Variants in NUP133 observed in about 807,000 individuals in gnomAD.
The protein encoded by NUP133 is nuclear pore complex protein Nup133.
Under a neutral mutation model 146.2 loss-of-function variants are expected in NUP133, and 66 were observed. The ratio of observed to expected loss-of-function variants is 0.45; its 90% CI spans 0.37 to 0.55. The LOEUF (loss-of-function observed/expected upper bound fraction) is 0.55, where lower values mean the gene tolerates loss of function less well. NUP133 is among the 20% of genes least tolerant of loss of function. The probability of loss-of-function intolerance (pLI) is 0.00; values close to 1 mark genes in which losing one functional copy is unlikely to be tolerated. For missense variants in NUP133, 1,277 were observed against 1,374.8 expected (o/e 0.93, Z 1.12); for synonymous variants, 521 against 498.8 (o/e 1.04, Z -0.59).
chr1:229,486,643 CT>C, intron 10 of NUP133, 115 bp from the exon 11 acceptor site: 1 of 973,046 alleles, frequency 1.0e-6, no homozygotes. Flanking sequence ...ACATTTTTTC[CT>C]TTACAACATT....
chr1:229,444,997 GA>G lies in NUP133; in HGVS notation c.3250del (p.Ser1084ProfsTer19), dbSNP rs1312199791. On this transcript the variant is annotated frameshift_variant, in exon 25 of 26. Coordinates refer to ENST00000261396, the MANE Select transcript of NUP133 (RefSeq NM_018230.3). LOFTEE classifies it high-confidence loss of function. ...LCKALQRDNW[S>X]SSDGKDDPIE... ...TGGATCATCTTTGCCATCAGAACTG[GA>G]CCAGCTAGAAAACAAAATCATTATG... The G allele has an allele frequency of 6.2e-7, 1 of 1,606,670 alleles. No homozygotes were observed. The highest frequency in any genetic ancestry group is 1.7e-5 in the Admixed American group (1 of 59,332).
intron 14 of NUP133, among the ~76,000 whole-genome samples, chr1:229,473,142 T>C (rs553362968): frequency 7.9e-5 from 12 of 152,098 alleles, no homozygotes; most frequent in African/African-American, 2.2e-4. Context: ...GTCCCATCTA[T>C]TGGGGAGGCA....
At chr1:229,480,391 A>G (rs933606772) in intron 12 of NUP133, among the ~76,000 whole-genome samples, 1 of 152,210 alleles carries the variant, frequency 6.6e-6, no homozygotes, top group Non-Finnish European at 1.5e-5. Flanking sequence ...GGTTATGAAA[A>G]TACAAAGGTG....
At chr1:229,506,588 C>A (rs1661944651) in intron 1 of NUP133, among the ~76,000 whole-genome samples, 1 of 151,340 alleles carries the variant, frequency 6.6e-6, no homozygotes, top group South Asian at 2.1e-4. Flanking sequence ...GAGATTTAAG[C>A]TCATCTAGCT....
intron 2 of NUP133, among the ~76,000 whole-genome samples, chr1:229,505,096 C>T (rs1459556378): frequency 1.3e-5 from 2 of 152,108 alleles, no homozygotes; most frequent in Non-Finnish European, 2.9e-5. Flanking sequence ...TTATGTGTGA[C>T]CCAAGACAAT....
intron 2 of NUP133, 95 bp from the exon 3 acceptor site, chr1:229,502,197 C>T (rs546739801): frequency 4.2e-4 from 347 of 823,086 alleles, no homozygotes; most frequent in Admixed American, 6.4e-4. Context: ...CACTCAGAAA[C>T]GACTACCTCA....
chr1:229,459,703 T>C (rs1660650119), intron 20 of NUP133, among the ~76,000 whole-genome samples: 2 of 152,244 alleles, frequency 1.3e-5, no homozygotes, highest in African/African-American at 4.8e-5. Flanking sequence ...TCCTTCTTTC[T>C]TAAGGCTATT....
intron 10 of NUP133, among the ~76,000 whole-genome samples, chr1:229,487,007 C>T (rs928528387): frequency 6.6e-6 from 1 of 151,878 alleles, no homozygotes; most frequent in African/African-American, 2.4e-5. Flanking sequence ...ACCTGGGTTC[C>T]ATGCTGTTGC....
intron 16 of NUP133, 28 bp from the exon 17 acceptor site, chr1:229,465,547 A>ACCTTT: frequency 7.1e-7 from 1 of 1,406,558 alleles, no homozygotes; most frequent in Non-Finnish European, 1.0e-6. Context: ...GTGTTATCAC[A>ACCTTT]TGCAAAAGGT....
Position 229,458,181 on chromosome 1 carries a change from A to C in NUP133, c.2960T>G (p.Met987Arg). The change falls in exon 21 of 26, where the codon ATG becomes AGG. Residue 987 changes from methionine (M) to arginine (R), a missense_variant. Transcript: ENST00000261396. ...TTCACCTTCAATTTTTTCTTGTAGCATATCCTCTGAAAAGTCTGAAGCTAA... is the reference window on the plus strand; with the variant it reads ...TTCACCTTCAATTTTTTCTTGTAGCCTATCCTCTGAAAAGTCTGAAGCTAA... ...AALASDFSED[M>R]LQEKIEEMAE... The C allele has an allele frequency of 6.2e-7, 1 of 1,612,178 alleles. No homozygotes were observed. Among genetic ancestry groups the C allele is most frequent in the Non-Finnish European group, 8.5e-7 (1 of 1,179,068 alleles).
At chr1:229,506,951 C>G (rs1001963154) in intron 1 of NUP133, among the ~76,000 whole-genome samples, 1 of 152,086 alleles carries the variant, frequency 6.6e-6, no homozygotes, top group African/African-American at 2.4e-5. Context: ...TGCTCACCCT[C>G]TTAACATTTA....
intron 4 of NUP133, among the ~76,000 whole-genome samples, chr1:229,500,441 T>C (rs1661768164): frequency 6.6e-6 from 1 of 152,206 alleles, no homozygotes; most frequent in South Asian, 2.1e-4. Flanking sequence ...TACAAATTGG[T>C]CATTTGTAAT....
At chr1:229,462,164 G>A (rs928845159) in intron 19 of NUP133, among the ~76,000 whole-genome samples, 5 of 152,128 alleles carry the variant, frequency 3.3e-5, no homozygotes, top group Middle Eastern at 3.2e-3. Flanking sequence ...GATTACAGGC[G>A]TGAGCCACCT....
intron 14 of NUP133, among the ~76,000 whole-genome samples, chr1:229,472,707 C>CATACATATATATATATAT (rs58951309): frequency 8.0e-6 from 1 of 124,270 alleles, no homozygotes; most frequent in African/African-American, 3.1e-5. Context: ...ACTAAATATA[C>CATACATATATATATATAT]ATATATATAT....
In NUP133 at chr1:229,492,240, G is replaced by A. The variant is rs556858205; in HGVS notation, c.1047-2138C>T. Among the ~76,000 whole-genome samples the A allele has an allele frequency of 1.7e-4, 26 of 152,054 alleles. No individual in the cohort carries two copies. In the East Asian group the frequency reaches 4.9e-3, roughly 28 times the overall value. On this transcript the variant is annotated intron_variant, in intron 8 of 25. Transcript: ENST00000261396. ...TCCTGCCTCAGCCTCCCGAGTGGCTGGGATTACAGGCATGCGCCACCACAC... is the reference window on the plus strand; with the variant it reads ...TCCTGCCTCAGCCTCCCGAGTGGCTAGGATTACAGGCATGCGCCACCACAC...
At chr1:229,457,980 T>C (rs1187617611) in intron 21 of NUP133, among the ~76,000 whole-genome samples, 181 bp downstream of exon 21, 1 of 152,170 alleles carries the variant, frequency 6.6e-6, no homozygotes, top group Admixed American at 6.5e-5. Flanking sequence ...AAACTACTTT[T>C]CTCTAAAAAA....
chr1:229,464,268 C>T (rs1036115903), intron 18 of NUP133, among the ~76,000 whole-genome samples: 3 of 152,112 alleles, frequency 2.0e-5, no homozygotes, highest in African/African-American at 7.2e-5. Context: ...TATAATGTGT[C>T]CTTTGCCAAA....
chr1:229,489,531 T>A lies in NUP133; in HGVS notation c.1194+424A>T, dbSNP rs1661456605. ...GCAACAATGTCTAGAAACAAGCTAT[T>A]TTAAAATATTTCCAAGCCCTGCAGA... On this transcript the variant is annotated intron_variant, in intron 9 of 25. Transcript: ENST00000261396. Among the ~76,000 whole-genome samples, 2 of 152,188 alleles carry A rather than the reference T, an allele frequency of 1.3e-5. 1 individual carries two copies. Among genetic ancestry groups the A allele is most frequent in the Non-Finnish European group, 2.9e-5 (2 of 68,026 alleles).
At chr1:229,479,404 A>G (rs575317927) in intron 12 of NUP133, among the ~76,000 whole-genome samples, 5 of 152,192 alleles carry the variant, frequency 3.3e-5, no homozygotes, top group Non-Finnish European at 7.3e-5. Flanking sequence ...TTTTATTACT[A>G]TTGTTCTTAA....
Sources: gnomAD v4.1 joint callset for allele counts (sites outside exome capture counted in the v4.1 genomes callset) on GRCh38, gnomAD v4.1.1 for gene constraint, MANE v1.5 for transcripts, NCBI Gene and HGNC (gene_info 2026-07-23, HGNC 2026-07-21) for gene names.